The following DNAH12 variants were observed in gnomAD, a reference collection of about 807,000 sequenced individuals.
DNAH12 encodes the protein dynein axonemal heavy chain 12, also known as axonemal beta dynein heavy chain 12.
In DNAH12, 285 loss-of-function variants were observed where a neutral mutation model predicts 371.5. That is an observed-to-expected ratio of 0.77 (90% confidence interval 0.70 to 0.85). The LOEUF (loss-of-function observed/expected upper bound fraction) is 0.85. DNAH12 is among the 40% of genes least tolerant of loss of function. DNAH12 has a pLI of 0.00. For missense variants in DNAH12, 3,611 were observed against 3,689.4 expected, an observed-to-expected ratio of 0.98 and a Z score of 0.55; for synonymous variants, 1,200 against 1,213.0, an observed-to-expected ratio of 0.99 and a Z score of 0.22.
intron 11 of DNAH12, among the ~76,000 whole-genome samples, chr3:57,499,647 A>AAAATATATATATAT (rs1451248906): frequency 2.2e-3 from 40 of 17,930 alleles, no homozygotes; most frequent in Non-Finnish European, 4.8e-3. Flanking sequence ...AAAAAAAAAA[A>AAAATATATATATAT]ATATATATAT....
rs374229049 is a variant in DNAH12 at position 57,486,325 on chromosome 3, T to C, written c.1515-2814A>G. 1.2e-4 allele frequency among the ~76,000 whole-genome samples: 19 copies of C among 152,194 alleles called. No homozygotes were observed. In the South Asian group the frequency reaches 3.9e-3, roughly 32 times the overall value. On this transcript the variant is annotated intron_variant, in intron 12 of 73. Coordinates refer to ENST00000495027, the MANE Select transcript of DNAH12 (RefSeq NM_001366028.2). ...AGGCTCACGCTTGTAAACCCAGTAC[T>C]TTGGGAGGCTGAGGTAGGAGGATCT...
Position 57,405,668 on chromosome 3 carries a change from C to T in DNAH12, c.6561G>A (p.Arg2187=). 1.3e-6 allele frequency: 2 copies of T among 1,550,846 alleles called. No homozygotes were observed. The highest frequency in any genetic ancestry group is 1.2e-5 in the South Asian group (1 of 83,980). Residue 2187 remains arginine, a synonymous_variant, in exon 41 of 74, where the codon AGG becomes AGA. Transcript: ENST00000495027. ...ESFHSIFSHL[R]KQNAPVTEED... is the part of the protein sequence containing the mutation. Reference sequence around the variant, plus strand: ...CCATACTCACTGGTGCATTTTGTTTCCTCAAATGTGAAAAGATACTGTGAA... The same window carrying T: ...CCATACTCACTGGTGCATTTTGTTTTCTCAAATGTGAAAAGATACTGTGAA...
intron 69 of DNAH12, 99 bp from the exon 70 acceptor site, chr3:57,302,038 G>A: frequency 1.5e-6 from 2 of 1,304,134 alleles, no homozygotes; most frequent in Non-Finnish European, 2.1e-6. Context: ...AGCTTTATGG[G>A]ATTGCTTCCC....
upstream of DNAH12, among the ~76,000 whole-genome samples, chr3:57,547,579 T>C (rs1260622402): frequency 1.3e-5 from 2 of 152,176 alleles, no homozygotes; most frequent in Non-Finnish European, 2.9e-5. Flanking sequence ...ATGAATAGTT[T>C]CCTAATTCTG....
At chr3:57,306,965 C>T (rs947362319) in intron 69 of DNAH12, among the ~76,000 whole-genome samples, 7 of 152,190 alleles carry the variant, frequency 4.6e-5, no homozygotes, top group Non-Finnish European at 1.0e-4. Flanking sequence ...TTGCACCCTT[C>T]ATCCCAGCCT....
chr3:57,455,509 G>T (rs2065878977), intron 22 of DNAH12, among the ~76,000 whole-genome samples: 1 of 152,080 alleles, frequency 6.6e-6, no homozygotes, highest in African/African-American at 2.4e-5. Flanking sequence ...GGCAGAGGTT[G>T]CAGTGAGCCA....
intron 11 of DNAH12, among the ~76,000 whole-genome samples, chr3:57,492,794 C>G (rs1025595574): frequency 6.6e-6 from 1 of 152,070 alleles, no homozygotes; most frequent in African/African-American, 2.4e-5. Flanking sequence ...GGATCATGAT[C>G]AGGAGATTGA....
intron 4 of DNAH12, among the ~76,000 whole-genome samples, chr3:57,516,493 TTAA>T (rs2068203182): frequency 6.6e-6 from 1 of 152,178 alleles, no homozygotes; most frequent in Non-Finnish European, 1.5e-5. Context: ...CTAGATGATC[TTAA>T]TAATAAGTGT....
At chr3:57,410,265 C>G (rs1553682587) in intron 39 of DNAH12, among the ~76,000 whole-genome samples, 1 of 151,992 alleles carries the variant, frequency 6.6e-6, no homozygotes, top group Non-Finnish European at 1.5e-5. Flanking sequence ...CTTCTGGTCT[C>G]TGTGTCACAT....
intron 50 of DNAH12, among the ~76,000 whole-genome samples, chr3:57,380,862 G>A (rs955833229): frequency 1.4e-5 from 2 of 144,836 alleles, no homozygotes; most frequent in East Asian, 3.8e-4. Context: ...ATATGGAAAT[G>A]CATTTATAGA....
At chr3:57,415,356 C>T (rs2064335625) in intron 38 of DNAH12, 70 bp downstream of exon 38, 1 of 1,498,006 alleles carries the variant, frequency 6.7e-7, no homozygotes, top group South Asian at 1.3e-5. Flanking sequence ...ATTTAATGTA[C>T]AATTTTAAAC....
At chr3:57,459,913 A>G (rs932752016) in intron 19 of DNAH12, 127 bp from the exon 20 acceptor site, 19 of 817,524 alleles carry the variant, frequency 2.3e-5, no homozygotes, top group African/African-American at 7.1e-5. Flanking sequence ...GCTTAAGGTT[A>G]CTTATGTATG....
Position 57,523,068 on chromosome 3 carries a change from G to A in DNAH12, c.279+515C>T, listed in dbSNP as rs375190202. The stretch of plus-strand genomic sequence containing the variant: ...CGTAATTAATCTGCAAATAGTGAAT[G>A]CCAACAAAAATGTAATTCTTAAAAC... On this transcript the variant is annotated intron_variant, in intron 4 of 73. Transcript: ENST00000495027. Among the ~76,000 whole-genome samples the A allele has an allele frequency of 2.6e-5, 4 of 151,980 alleles. No homozygotes were observed. The East Asian group carries it at 7.7e-4, about 29-fold the overall frequency.
upstream of DNAH12, among the ~76,000 whole-genome samples, chr3:57,544,755 G>A (rs897509116): frequency 6.6e-6 from 1 of 152,124 alleles, no homozygotes; most frequent in African/African-American, 2.4e-5. Flanking sequence ...AGCACTTCCA[G>A]GAATTCTTTG....
chr3:57,341,947 C>A (rs895796849), intron 60 of DNAH12, among the ~76,000 whole-genome samples: 1 of 152,100 alleles, frequency 6.6e-6, no homozygotes, highest in Admixed American at 6.5e-5. Context: ...AATAGAGAAC[C>A]CATAAATTAA....
At chr3:57,552,549 G>GTTAT in the DNAH12 span, among the ~76,000 whole-genome samples, 171 of 125,176 alleles carry the variant, frequency 1.4e-3, 1 homozygote, top group African/African-American at 3.7e-3. Flanking sequence ...AGCCATTTAT[G>GTTAT]TTATTTATTT....
intron 23 of DNAH12, 71 bp downstream of exon 23, chr3:57,454,704 T>TA: frequency 6.6e-7 from 1 of 1,521,968 alleles, no homozygotes. Context: ...ATCTCATTTC[T>TA]AAAAATAATA....
chr3:57,462,580 A>G, intron 18 of DNAH12, 110 bp downstream of exon 18: 3 of 1,297,358 alleles, frequency 2.3e-6, no homozygotes, highest in Non-Finnish European at 3.1e-6. Flanking sequence ...ACTCTCCCCC[A>G]TCACCTCCCG....
At chr3:57,420,631 C>T (rs2064541824) in intron 36 of DNAH12, among the ~76,000 whole-genome samples, 2 of 142,264 alleles carry the variant, frequency 1.4e-5, no homozygotes, top group South Asian at 4.8e-4. Flanking sequence ...GCTTGTGGGC[C>T]GGGCGCAGTG....
Sources: allele counts gnomAD v4.1 joint callset (sites outside exome capture counted in the v4.1 genomes callset), GRCh38; gene constraint gnomAD v4.1.1; transcripts MANE v1.5; gene names NCBI Gene and HGNC (gene_info 2026-07-23, HGNC 2026-07-21).